Variants in CHD3 observed in about 807,000 individuals in gnomAD.
CHD3 encodes chromodomain helicase DNA binding protein 3.
CHD3 carries 52 observed loss-of-function variants against 248.9 expected under a neutral mutation model. The ratio of observed to expected loss-of-function variants is 0.21; its 90% confidence interval spans 0.17 to 0.26. The LOEUF (loss-of-function observed/expected upper bound fraction) is 0.26, where lower values mean the gene tolerates loss of function less well. Among genes scored for constraint, CHD3 ranks in the 10% least tolerant of loss-of-function variants. The pLI is 1.00. For synonymous variants in CHD3, 985 were observed against 985.2 expected, an observed-to-expected ratio of 1.00 and a Z score of 0.00; for missense variants, 1,482 against 2,605.8, an observed-to-expected ratio of 0.57 and a Z score of 9.39.
rs1194412020 is a variant in CHD3, at chr17:7,893,516, C to A, written c.740C>A (p.Ala247Asp). 6.4e-7 allele frequency: 1 copy of A among 1,557,514 alleles called. No individual in the cohort carries two copies. The highest frequency in any genetic ancestry group is 8.8e-7 in the Non-Finnish European group (1 of 1,133,026). ...CCCCCCGCCCTTCCACCACCCCCTG[C>A]TGCTGATATCCAGCCCCCACCCATC... ...SGPPALPPPP[A>D]ADIQPPPIRR... The change falls in exon 5 of 40, where the codon GCT (alanine) becomes GAT (aspartate). Residue 247 changes from alanine to aspartate, a missense_variant. Transcript: ENST00000330494.
rs538054924 is a variant in CHD3, at chr17:7,903,116, A to G, written c.3495+55A>G. ...CCATTTAGCAAGGAGATGTGGGTTCATGGAGGAGGGTGTCATGTTCCGGGG... is the reference window on the plus strand; with the variant it reads ...CCATTTAGCAAGGAGATGTGGGTTCGTGGAGGAGGGTGTCATGTTCCGGGG... On this transcript the variant is annotated intron_variant, in intron 22 of 39. Coordinates refer to ENST00000330494, the MANE Select transcript of CHD3 (RefSeq NM_001005273.3). The surrounding 1 kb of genome is among the most constrained non-coding windows in gnomAD (Gnocchi z 6.8). 64 of 1,594,558 alleles carry G rather than the reference A, an allele frequency of 4.0e-5. 1 individual carries two copies. The African/African-American group carries it at 8.0e-4, about 20-fold the overall frequency.
chr17:7,897,568 A>C lies in CHD3; in HGVS notation c.1919+274A>C, dbSNP rs781332946. On this transcript the variant is annotated intron_variant, in intron 11 of 39. Transcript: ENST00000330494. The surrounding 1 kb of genome is among the most constrained non-coding windows in gnomAD (Gnocchi z 4.8). Reference sequence around the variant, plus strand: ...ATGAGTCTGGGGATGAGGGCATGAAAGCAAAACATGAGAGACATAATTCAT... The same window carrying C: ...ATGAGTCTGGGGATGAGGGCATGAACGCAAAACATGAGAGACATAATTCAT... Among the ~76,000 whole-genome samples, 19 of 152,332 alleles carry C rather than the reference A, an allele frequency of 1.2e-4. No homozygotes were observed. The East Asian group carries it at 3.7e-3, about 29-fold the overall frequency.
Position 7,890,697 on chromosome 17 carries a change from A to C in CHD3, c.340A>C (p.Lys114Gln), listed in dbSNP as rs753770040. ...GAAGCACCGAGAAAAAAAGGAGAAG[A>C]AGACAAAGCGGCGGAAAAAGGGGGA... ...RRKHREKKEK[K>Q]TKRRKKGEGD... The change falls in exon 3 of 40, where the codon AAG becomes CAG. Residue 114 changes from lysine to glutamine, a missense_variant. By Grantham distance (53) the Lys-to-Gln change is moderately conservative. Around this residue, in one of 20 missense-constraint regions of CHD3, gnomAD observed 169 missense variants for 168.1 expected, o/e 1.01. Transcript: ENST00000330494. The C allele has an allele frequency of 6.6e-7, 1 of 1,510,796 alleles. No individual in the cohort carries two copies. The highest frequency in any genetic ancestry group is 8.9e-7 in the Non-Finnish European group (1 of 1,119,592). 93.6% of individuals were successfully genotyped at this position (1,510,796 alleles called of 1,614,324 possible). A position where few individuals can be genotyped will look rare whatever the true frequency, so the allele number is the denominator to read the frequency against.
At position 7,908,537 on chromosome 17, in the gene CHD3, G is replaced by A. The variant is rs1463441063; in HGVS notation, c.5261+27G>A. The A allele has an allele frequency of 1.9e-6, 3 of 1,587,332 alleles. No homozygotes were observed. Among genetic ancestry groups the A allele is most frequent in the Non-Finnish European group, 2.6e-6 (3 of 1,161,598 alleles). Reference sequence around the variant, plus strand: ...TATCCTTTGATACACATGCAAGAAGGAAAAGGTTCTCTCAAGCTGGCAAAA... The same window carrying A: ...TATCCTTTGATACACATGCAAGAAGAAAAAGGTTCTCTCAAGCTGGCAAAA... On this transcript the variant is annotated intron_variant, in intron 35 of 39. Transcript: ENST00000330494. This position sits in a 1 kb window ranked among gnomAD's most constrained non-coding sequence, Gnocchi z 5.8.
chr17:7,910,663 C>A lies in CHD3; in HGVS notation c.5754+72C>A. The A allele has an allele frequency of 6.5e-7, 1 of 1,547,196 alleles. No homozygotes were observed. The highest frequency in any genetic ancestry group is 1.2e-5 in the South Asian group (1 of 83,384). On this transcript the variant is annotated intron_variant, in intron 38 of 39. Coordinates refer to ENST00000330494, the MANE Select transcript of CHD3 (RefSeq NM_001005273.3). This position sits in a 1 kb window ranked among gnomAD's most constrained non-coding sequence, Gnocchi z 4.7. ...CCTGCACACATACAAACACTTCCATCAGAATCCTATACAATATGGAAAAAC... is the reference window on the plus strand; with the variant it reads ...CCTGCACACATACAAACACTTCCATAAGAATCCTATACAATATGGAAAAAC...
chr17:7,887,708 C>T (rs1268059714), upstream of CHD3, among the ~76,000 whole-genome samples: 3 of 152,242 alleles, frequency 2.0e-5, no homozygotes, highest in Middle Eastern at 6.8e-3. Context: ...AGACTCCTCC[C>T]GCTTGCTCGG....
intron 4 of CHD3, among the ~76,000 whole-genome samples, chr17:7,892,421 A>G (rs1342731553): frequency 6.6e-6 from 1 of 152,244 alleles, no homozygotes. Context: ...GTAGTATACA[A>G]AAGTAAAGCA....
In CHD3 at chr17:7,899,635, C is replaced by T; in HGVS notation, c.2544+92C>T. 7.6e-7 allele frequency: 1 copy of T among 1,312,334 alleles called. No individual in the cohort carries two copies. Among genetic ancestry groups the T allele is most frequent in the Non-Finnish European group, 1.1e-6 (1 of 932,612 alleles). 81.3% of individuals were successfully genotyped at this position (1,312,334 alleles called of 1,614,324 possible). A position where few individuals can be genotyped will look rare whatever the true frequency, so the allele number is the denominator to read the frequency against. On this transcript the variant is annotated intron_variant, in intron 15 of 39. Transcript: ENST00000330494. This position sits in a 1 kb window ranked among gnomAD's most constrained non-coding sequence, Gnocchi z 6.8. ...TTCAGTTTCTCTATTCCCCTCCTCACCTTTCTCCTCTTCCTCCACCTGTCC... is the reference window on the plus strand; with the variant it reads ...TTCAGTTTCTCTATTCCCCTCCTCATCTTTCTCCTCTTCCTCCACCTGTCC...
At chr17:7,885,144 G>C, upstream of CHD3, 2 of 982,354 alleles carry the variant, frequency 2.0e-6, no homozygotes, top group Non-Finnish European at 1.2e-6. Flanking sequence ...GCGCGAAGCC[G>C]GGCGGGGGCG....
rs554876016 is a variant in CHD3, at chr17:7,904,354, C to T, written c.3895-88C>T. 4 of 1,293,264 alleles carry T rather than the reference C, an allele frequency of 3.1e-6. No homozygotes were observed. The Admixed American group carries it at 5.9e-5, about 19-fold the overall frequency. 80.1% of individuals were successfully genotyped at this position (1,293,264 alleles called of 1,614,324 possible). On this transcript the variant is annotated intron_variant, in intron 24 of 39. Coordinates refer to ENST00000330494, the MANE Select transcript of CHD3 (RefSeq NM_001005273.3). This position sits in a 1 kb window ranked among gnomAD's most constrained non-coding sequence, Gnocchi z 4.4. Reference sequence around the variant, plus strand: ...GCAGGAGTGGGGAGACCGGATTGGGCTGACGCAGCAGAGTAGGGATTTCCT... The same window carrying T: ...GCAGGAGTGGGGAGACCGGATTGGGTTGACGCAGCAGAGTAGGGATTTCCT...
At position 7,912,488 on chromosome 17, in the gene CHD3, C is replaced by T. The variant is rs1846676263; in HGVS notation, c.*903C>T. The T allele has an allele frequency of 6.6e-6, 1 of 152,170 alleles. No homozygotes were observed. Among genetic ancestry groups the T allele is most frequent in the African/African-American group, 2.4e-5 (1 of 41,430 alleles). The allele number at this position is 152,170 out of a possible 1,614,324, so 9.4% of individuals were successfully genotyped here. A position where few individuals can be genotyped will look rare whatever the true frequency, so the allele number is the denominator to read the frequency against. On this transcript the variant is annotated 3_prime_UTR_variant, in exon 40 of 40. Coordinates refer to ENST00000330494, the MANE Select transcript of CHD3 (RefSeq NM_001005273.3). ...AATTTGTATAAGTCAGGCAGGGGAC[C>T]TAGTCAGGGTCTTGGGAGCTACCTT...
In CHD3 at chr17:7,907,278, C is replaced by A. The variant is rs60424695; in HGVS notation, c.4788+31C>A. Reference sequence around the variant, plus strand: ...TGGCTCCCTGGATTCCCCTGTGGAGCGGGAGGGGAGGGGGCTTGGAGGCCA... The same window carrying A: ...TGGCTCCCTGGATTCCCCTGTGGAGAGGGAGGGGAGGGGGCTTGGAGGCCA... On this transcript the variant is annotated intron_variant, in intron 31 of 39. Coordinates refer to ENST00000330494, the MANE Select transcript of CHD3 (RefSeq NM_001005273.3). The surrounding 1 kb of genome is among the most constrained non-coding windows in gnomAD (Gnocchi z 4.3). The A allele has an allele frequency of 2.5e-6, 4 of 1,613,848 alleles. No individual in the cohort carries two copies. Among genetic ancestry groups the A allele is most frequent in the East Asian group, 4.5e-5 (2 of 44,872 alleles).
upstream of CHD3, chr17:7,885,031 GCCGCCGCCGCCGCCGCCACCGCTGCCC>G (rs1230079685): frequency 7.2e-6 from 8 of 1,118,120 alleles, no homozygotes; most frequent in African/African-American, 5.1e-5. Context: ...TCTTCCCGCC[GCCGCCGCCGCCGCCGCCACCGCTGCCC>G]CCGCCGCCGC....
In CHD3 at chr17:7,905,607, A is replaced by G. The variant is rs1439826661; in HGVS notation, c.4139-14A>G. 6.4e-7 allele frequency: 1 copy of G among 1,568,390 alleles called. No individual in the cohort carries two copies. Among genetic ancestry groups the G allele is most frequent in the Admixed American group, 1.8e-5 (1 of 54,768 alleles). ...GGTGGTGGCTCAGCTAACTGATGTC[A>G]TCCCCACCCTCAGGGCGTAGACAGT... On this transcript the variant is annotated splice_polypyrimidine_tract_variant and intron_variant, in intron 26 of 39. Transcript: ENST00000330494. This position sits in a 1 kb window ranked among gnomAD's most constrained non-coding sequence, Gnocchi z 5.8.
chr17:7,911,210 G>C lies in CHD3; in HGVS notation c.5881+237G>C, dbSNP rs1173859573. Among the ~76,000 whole-genome samples, 1 of 152,050 alleles carries C rather than the reference G, an allele frequency of 6.6e-6. No homozygotes were observed. Among genetic ancestry groups the C allele is most frequent in the Non-Finnish European group, 1.5e-5 (1 of 68,026 alleles). On this transcript the variant is annotated intron_variant, in intron 39 of 39. Transcript: ENST00000330494. The surrounding 1 kb of genome is among the most constrained non-coding windows in gnomAD (Gnocchi z 5.4). ...ATCTGTGGCTTGGTGTCTTCTACCC[G>C]AGCCACCTCCCTCCGGGTTCCTTCA...
At position 7,908,277 on chromosome 17, in the gene CHD3, C is replaced by G; in HGVS notation, c.5153-125C>G. 1.1e-6 allele frequency: 1 copy of G among 872,770 alleles called. No individual in the cohort carries two copies. The highest frequency in any genetic ancestry group is 1.8e-6 in the Non-Finnish European group (1 of 560,982). The allele number at this position is 872,770 out of a possible 1,614,324, so 54.1% of individuals were successfully genotyped here. ...GAGTTTGTTCCAAACCTAACCTTTA[C>G]CCATTCCTCTTCAGGAGCCCTTAGT... On this transcript the variant is annotated intron_variant, in intron 34 of 39. Coordinates refer to ENST00000330494, the MANE Select transcript of CHD3 (RefSeq NM_001005273.3). This position sits in a 1 kb window ranked among gnomAD's most constrained non-coding sequence, Gnocchi z 5.8.
At chr17:7,885,039 C>CGCCGCCGCCACCGCT (rs767797819), upstream of CHD3, 581 of 1,122,552 alleles carry the variant, frequency 5.2e-4, 4 homozygotes, top group Non-Finnish European at 3.7e-4. Flanking sequence ...CCGCCGCCGC[C>CGCCGCCGCCACCGCT]GCCGCCGCCA....
chr17:7,909,384 C>T lies in CHD3; in HGVS notation c.5590+46C>T, dbSNP rs1287795431. ...GCGCGGGGGAGGGCCCACAACGCTGCGTAAGTCTTCACCCCGCACCCCTCA... is the reference window on the plus strand; with the variant it reads ...GCGCGGGGGAGGGCCCACAACGCTGTGTAAGTCTTCACCCCGCACCCCTCA... On this transcript the variant is annotated intron_variant, in intron 37 of 39. Coordinates refer to ENST00000330494, the MANE Select transcript of CHD3 (RefSeq NM_001005273.3). This position sits in a 1 kb window ranked among gnomAD's most constrained non-coding sequence, Gnocchi z 8.1. 1.3e-5 allele frequency: 19 copies of T among 1,498,700 alleles called. No individual in the cohort carries two copies. Among genetic ancestry groups the T allele is most frequent in the African/African-American group, 2.8e-5 (2 of 71,734 alleles). 92.8% of individuals were successfully genotyped at this position (1,498,700 alleles called of 1,614,324 possible).
Position 7,911,028 on chromosome 17 carries a change from T to C in CHD3, c.5881+55T>C. 2 of 1,605,490 alleles carry C rather than the reference T, an allele frequency of 1.2e-6. No individual in the cohort carries two copies. Among genetic ancestry groups the C allele is most frequent in the South Asian group, 2.2e-5 (2 of 90,000 alleles). On this transcript the variant is annotated intron_variant, in intron 39 of 39. Coordinates refer to ENST00000330494, the MANE Select transcript of CHD3 (RefSeq NM_001005273.3). This position sits in a 1 kb window ranked among gnomAD's most constrained non-coding sequence, Gnocchi z 5.4. ...CTCACACTCCTCCTTTGCCAAACTTTATTTCTGCTCAGCTGCCCTTTAACT... is the reference window on the plus strand; with the variant it reads ...CTCACACTCCTCCTTTGCCAAACTTCATTTCTGCTCAGCTGCCCTTTAACT...
Sources: allele counts gnomAD v4.1 joint callset (sites outside exome capture counted in the v4.1 genomes callset), GRCh38; gene constraint gnomAD v4.1.1; regional missense constraint gnomAD v4.1.1; non-coding constraint Gnocchi (gnomAD v3.1); transcripts MANE v1.5; gene names NCBI Gene and HGNC (gene_info 2026-07-23, HGNC 2026-07-21).